Variants in ZFAND3 observed in about 807,000 individuals in gnomAD.
ZFAND3 encodes zinc finger AN1-type containing 3.
A neutral mutation model predicts 29.6 loss-of-function variants in ZFAND3; 10 were observed. That is an observed-to-expected ratio of 0.34 (90% confidence interval 0.21 to 0.57). The LOEUF is 0.57. ZFAND3 is among the 20% of genes least tolerant of loss of function. ZFAND3 has a pLI of 0.86. For missense variants in ZFAND3, 230 were observed against 304.5 expected (o/e 0.76, Z 1.82); for synonymous variants, 128 against 112.6 (o/e 1.14, Z -0.87).
intron 1 of ZFAND3, among the ~76,000 whole-genome samples, chr6:37,834,062 G>C (rs1406182431): frequency 6.6e-6 from 1 of 152,018 alleles, no homozygotes; most frequent in Admixed American, 6.6e-5. Flanking sequence ...ACTCTTGGTG[G>C]TGGTATATTC....
intron 5 of ZFAND3, among the ~76,000 whole-genome samples, chr6:38,136,885 C>A (rs1418254298): frequency 6.6e-6 from 1 of 152,212 alleles, no homozygotes; most frequent in Non-Finnish European, 1.5e-5. Flanking sequence ...TCTAGATTCA[C>A]CCAGGAAGTG....
At chr6:38,094,359 T>G (rs1207203183) in intron 4 of ZFAND3, among the ~76,000 whole-genome samples, 3 of 151,542 alleles carry the variant, frequency 2.0e-5, no homozygotes, top group Non-Finnish European at 4.4e-5. Flanking sequence ...GAACAAGTGG[T>G]GCTCTCTTTG....
chr6:37,890,658 C>T (rs1765078945), intron 1 of ZFAND3, among the ~76,000 whole-genome samples: 1 of 152,110 alleles, frequency 6.6e-6, no homozygotes, highest in Non-Finnish European at 1.5e-5. Context: ...GGAAGTATGG[C>T]CAGACTAACA....
intron 3 of ZFAND3, among the ~76,000 whole-genome samples, chr6:38,075,671 C>A (rs1445252373): frequency 6.6e-6 from 1 of 152,122 alleles, no homozygotes; most frequent in Non-Finnish European, 1.5e-5. Context: ...TTAAAGAAGT[C>A]CTGTGGGTAA....
intron 4 of ZFAND3, among the ~76,000 whole-genome samples, chr6:38,104,532 A>G (rs1039745758): frequency 6.6e-6 from 1 of 152,180 alleles, no homozygotes; most frequent in African/African-American, 2.4e-5. Flanking sequence ...TCTAAATCCA[A>G]GATTAAGCCT....
rs368358350 is a variant in ZFAND3 at position 37,891,416 on chromosome 6, T to TCCCCCGCC, written c.72-38538_72-38537insGCCCCCCC. Among the ~76,000 whole-genome samples, 381 of 117,068 alleles carry TCCCCCGCC rather than the reference T, an allele frequency of 3.3e-3. 19 individuals carry two copies. In the East Asian group the frequency reaches 0.079, roughly 24 times the overall value. The allele number at this position is 117,068 out of a possible 152,430, so 76.8% of individuals were successfully genotyped here. On this transcript the variant is annotated intron_variant, in intron 1 of 5. Transcript: ENST00000287218. ...TTTGACAAATAGTTGGAGATTTCAGTCCCCCCCCCCGCCTTTAAAATACAA... is the reference window on the plus strand; with the variant it reads ...TTTGACAAATAGTTGGAGATTTCAGTCCCCCGCCCCCCCCCCCCGCCTTTAAAATACAA...
At chr6:38,103,450 T>G (rs1224185785) in intron 4 of ZFAND3, among the ~76,000 whole-genome samples, 8 of 38,564 alleles carry the variant, frequency 2.1e-4, no homozygotes, top group Non-Finnish European at 3.6e-4. Flanking sequence ...TGTATATATA[T>G]ACACACATAT....
At chr6:37,881,339 G>A (rs1581731119) in intron 1 of ZFAND3, among the ~76,000 whole-genome samples, 2 of 151,700 alleles carry the variant, frequency 1.3e-5, no homozygotes, top group South Asian at 4.2e-4. Flanking sequence ...GCCCACCTTG[G>A]CCTCCCAAAG....
intron 2 of ZFAND3, among the ~76,000 whole-genome samples, chr6:38,038,964 G>A (rs908047417): frequency 2.0e-5 from 3 of 152,248 alleles, no homozygotes; most frequent in Non-Finnish European, 2.9e-5. Context: ...GTAAAACTAC[G>A]GAGGTTGAAG....
At chr6:37,900,113 C>T (rs1765292632) in intron 1 of ZFAND3, among the ~76,000 whole-genome samples, 1 of 152,086 alleles carries the variant, frequency 6.6e-6, no homozygotes, top group African/African-American at 2.4e-5. Context: ...TTTTTATGGA[C>T]ATTTAGGTTA....
At chr6:38,144,693 T>G (rs1481486446) in intron 5 of ZFAND3, among the ~76,000 whole-genome samples, 2 of 152,208 alleles carry the variant, frequency 1.3e-5, no homozygotes, top group East Asian at 3.8e-4. Flanking sequence ...GTAAAACATT[T>G]GCAAATGAGG....
At chr6:37,925,879 T>C (rs1761475880) in intron 1 of ZFAND3, among the ~76,000 whole-genome samples, 1 of 152,140 alleles carries the variant, frequency 6.6e-6, no homozygotes, top group Admixed American at 6.5e-5. Context: ...CAGTTAGATA[T>C]GTGAGTTTGG....
At chr6:38,034,889 A>T (rs890056466) in intron 2 of ZFAND3, among the ~76,000 whole-genome samples, 1 of 152,006 alleles carries the variant, frequency 6.6e-6, no homozygotes, top group African/African-American at 2.4e-5. Flanking sequence ...TTTTATTTTT[A>T]TTTTTATTTT....
chr6:38,006,468 T>A (rs771081455), intron 2 of ZFAND3, among the ~76,000 whole-genome samples: 1 of 152,178 alleles, frequency 6.6e-6, no homozygotes, highest in Non-Finnish European at 1.5e-5. Context: ...CTCTGCTGTT[T>A]CGAGTGCTTT....
At chr6:37,835,850 C>T (rs1241751121) in intron 1 of ZFAND3, among the ~76,000 whole-genome samples, 2 of 152,192 alleles carry the variant, frequency 1.3e-5, no homozygotes, top group Admixed American at 6.5e-5. Context: ...ACATTTCTAG[C>T]ATCCTGTATA....
At chr6:37,970,949 A>C (rs1194508445) in intron 2 of ZFAND3, among the ~76,000 whole-genome samples, 2 of 152,106 alleles carry the variant, frequency 1.3e-5, no homozygotes, top group Admixed American at 6.5e-5. Flanking sequence ...AAAACCCACT[A>C]AGTATGCATT....
At chr6:38,080,244 G>A (rs1332468862) in intron 3 of ZFAND3, among the ~76,000 whole-genome samples, 2 of 151,726 alleles carry the variant, frequency 1.3e-5, no homozygotes, top group African/African-American at 2.4e-5. Flanking sequence ...ACCGTGGCAC[G>A]TGTATACCTA....
At chr6:37,837,233 A>G (rs1408456690) in intron 1 of ZFAND3, among the ~76,000 whole-genome samples, 2 of 152,206 alleles carry the variant, frequency 1.3e-5, no homozygotes, top group African/African-American at 4.8e-5. Flanking sequence ...GGTTTATGCT[A>G]TTTTATTCAT....
At chr6:38,148,341 T>G (rs1766152039) in intron 5 of ZFAND3, among the ~76,000 whole-genome samples, 1 of 152,238 alleles carries the variant, frequency 6.6e-6, no homozygotes, top group South Asian at 2.1e-4. Context: ...AATTACATGC[T>G]ACCCTGGGTA....
Sources: gnomAD v4.1 joint callset for allele counts (sites outside exome capture counted in the v4.1 genomes callset) on GRCh38, gnomAD v4.1.1 for gene constraint, MANE v1.5 for transcripts, NCBI Gene and HGNC (gene_info 2026-07-23, HGNC 2026-07-21) for gene names.